FBRSL1: variants seen among roughly 807,000 people sequenced by gnomAD.
The protein encoded by FBRSL1 is fibrosin-1-like protein.
In FBRSL1, 51 loss-of-function variants were observed where a neutral mutation model predicts 89.6. The observed-to-expected ratio is 0.57, with a 90% CI of 0.45 to 0.72. The LOEUF is 0.72. FBRSL1 is among the 30% of genes least tolerant of loss of function. The pLI is 0.00. For synonymous variants in FBRSL1, 779 were observed against 681.1 expected (o/e 1.14, Z -2.24); for missense variants, 1,618 against 1,451.8 (o/e 1.11, Z -1.86).
intron 5 of FBRSL1, among the ~76,000 whole-genome samples, chr12:132,549,362 G>A (rs992506505): frequency 6.6e-6 from 1 of 152,184 alleles, no homozygotes; most frequent in Non-Finnish European, 1.5e-5. Context: ...CCTCACCCGG[G>A]ACCCCGCGTG....
intron 2 of FBRSL1, among the ~76,000 whole-genome samples, chr12:132,513,457 G>A (rs537650527): frequency 6.6e-5 from 10 of 152,262 alleles, no homozygotes; most frequent in East Asian, 1.9e-4. Context: ...GAGGCTGCCC[G>A]CTGCCCGACT....
intron 9 of FBRSL1, 66 bp from the exon 10 acceptor site, chr12:132,572,222 C>T (rs915418370): frequency 1.4e-5 from 20 of 1,465,134 alleles, no homozygotes; most frequent in African/African-American, 4.2e-5. Flanking sequence ...GCCAGGTGGG[C>T]GGGGCCCGGG....
intron 1 of FBRSL1, among the ~76,000 whole-genome samples, chr12:132,498,244 GTC>G (rs2032376470): frequency 2.6e-5 from 4 of 152,140 alleles, no homozygotes; most frequent in African/African-American, 7.2e-5. Context: ...TGAGGCCTGT[GTC>G]GGGGGCATGG....
rs1177508455 is a variant in FBRSL1 at position 132,583,850 on chromosome 12, A to G, written c.*72A>G. ...TCTCTCCATCAGTTCCTAGAACTCA[A>G]GCACAGCTCCCGCCGATCCTGGGGC... On this transcript the variant is annotated 3_prime_UTR_variant, in exon 19 of 19. Coordinates refer to ENST00000680143, the MANE Select transcript of FBRSL1 (RefSeq NM_001367871.1). The G allele has an allele frequency of 2.1e-6, 2 of 936,530 alleles. No homozygotes were observed. The highest frequency in any genetic ancestry group is 2.7e-6 in the Non-Finnish European group (2 of 746,198). 58.0% of individuals were successfully genotyped at this position (936,530 alleles called of 1,614,324 possible).
At chr12:132,539,067 A>G (rs1302113736) in intron 4 of FBRSL1, among the ~76,000 whole-genome samples, 1 of 151,322 alleles carries the variant, frequency 6.6e-6, no homozygotes, top group Non-Finnish European at 1.5e-5. Flanking sequence ...CAGTTTCCCC[A>G]TCCGGCAGCA....
At chr12:132,498,102 G>T (rs182842970) in intron 1 of FBRSL1, among the ~76,000 whole-genome samples, 2 of 152,304 alleles carry the variant, frequency 1.3e-5, no homozygotes, top group Non-Finnish European at 2.9e-5. Flanking sequence ...CCTCTGGGGA[G>T]GGTGCCTGCT....
At position 132,549,370 on chromosome 12, in the gene FBRSL1, G is replaced by A. The variant is rs139928604; in HGVS notation, c.645+1338G>A. On this transcript the variant is annotated intron_variant, in intron 5 of 18. Transcript: ENST00000680143. ...GGAGTGGCCTCACCCGGGACCCCGC[G>A]TGGCTCCGCGTGGCCCTCAGCCCCT... 8.3e-3 allele frequency among the ~76,000 whole-genome samples: 1,267 copies of A among 152,246 alleles called. 15 individuals are homozygous for A. Among genetic ancestry groups the A allele is most frequent in the African/African-American group, 0.028 (1,174 of 41,572 alleles).
chr12:132,562,729 C>T (rs950403142), intron 5 of FBRSL1, among the ~76,000 whole-genome samples: 3 of 152,146 alleles, frequency 2.0e-5, no homozygotes, highest in Non-Finnish European at 4.4e-5. Flanking sequence ...GTGCAGGGGC[C>T]CTTCCGGCGC....
At chr12:132,533,525 C>G (rs1401828102) in intron 4 of FBRSL1, among the ~76,000 whole-genome samples, 1 of 152,402 alleles carries the variant, frequency 6.6e-6, no homozygotes, top group East Asian at 1.9e-4. Context: ...AAGGGTCTTT[C>G]AGGCTGGCTG....
In FBRSL1 at chr12:132,583,541, G is replaced by A. The variant is rs1450727728; in HGVS notation, c.2772G>A (p.Ser924=). Residue 924 remains serine, a synonymous_variant, in exon 19 of 19, where the codon TCG becomes TCA. Coordinates refer to ENST00000680143, the MANE Select transcript of FBRSL1 (RefSeq NM_001367871.1). The part of the protein sequence containing the change: ...APALDGALLP[S]LGALHFPRLS... ...CCTTGGACGGCGCGCTGCTGCCCTC[G>A]CTGGGAGCCCTGCACTTCCCGCGCC... 65 of 1,046,074 alleles carry A rather than the reference G, an allele frequency of 6.2e-5. No individual in the cohort carries two copies. Among genetic ancestry groups the A allele is most frequent in the Non-Finnish European group, 7.3e-5 (63 of 868,022 alleles). The allele number at this position is 1,046,074 out of a possible 1,614,324, so 64.8% of individuals were successfully genotyped here.
intron 10 of FBRSL1, 27 bp downstream of exon 10, chr12:132,572,371 G>A (rs762627090): frequency 3.7e-5 from 57 of 1,549,742 alleles, no homozygotes; most frequent in Middle Eastern, 1.7e-4. Context: ...GGCCCGGCGC[G>A]TGTCGCTGTG....
At chr12:132,496,069 C>T (rs1010722998) in intron 1 of FBRSL1, among the ~76,000 whole-genome samples, 2 of 152,262 alleles carry the variant, frequency 1.3e-5, no homozygotes, top group South Asian at 2.1e-4. Context: ...CTGTCCTTGC[C>T]GTGGCTACGC....
chr12:132,496,350 G>A (rs111477625), intron 1 of FBRSL1, among the ~76,000 whole-genome samples: 18 of 152,240 alleles, frequency 1.2e-4, no homozygotes, highest in African/African-American at 3.4e-4. Flanking sequence ...TGGCCCTGCT[G>A]TCTGTGGCTG....
At position 132,571,072 on chromosome 12, in the gene FBRSL1, C is replaced by T; in HGVS notation, c.1218C>T (p.Ala406=). 5 of 1,345,016 alleles carry T rather than the reference C, an allele frequency of 3.7e-6. No individual in the cohort carries two copies. The highest frequency in any genetic ancestry group is 4.8e-6 in the Non-Finnish European group (5 of 1,051,070). 83.3% of individuals were successfully genotyped at this position (1,345,016 alleles called of 1,614,324 possible). ...SLVLPGHPAD[A]SLAVSFSQPI... ...CGTGTTCTCTCTTGCCTCTAGATGC[C>T]AGCCTGGCGGTCTCATTCAGCCAGC... Residue 406 remains alanine (A), a synonymous_variant, in exon 9 of 19, where the codon GCC becomes GCT. Coordinates refer to ENST00000680143, the MANE Select transcript of FBRSL1 (RefSeq NM_001367871.1).
At chr12:132,504,310 C>T (rs574610975) in intron 1 of FBRSL1, among the ~76,000 whole-genome samples, 17 of 152,308 alleles carry the variant, frequency 1.1e-4, no homozygotes, top group African/African-American at 3.6e-4. Flanking sequence ...TTCACTGTAG[C>T]GTGATTAGGA....
chr12:132,583,275 C>G lies in FBRSL1; in HGVS notation c.2506C>G (p.Leu836Val), dbSNP rs1164120499. Reference sequence around the variant, plus strand: ...GGCGGGCGGCCTGCACCCCGCGCCCCTGCAGCTCGGCCTGGGCCGCGAGCG... The same window carrying G: ...GGCGGGCGGCCTGCACCCCGCGCCCGTGCAGCTCGGCCTGGGCCGCGAGCG... ...PPAGGLHPAPLQLGLGRERLG... is the reference protein window; with the variant it reads ...PPAGGLHPAPVQLGLGRERLG... The change falls in exon 19 of 19, where the codon CTG becomes GTG. Residue 836 changes from leucine to valine, a missense_variant. Coordinates refer to ENST00000680143, the MANE Select transcript of FBRSL1 (RefSeq NM_001367871.1). 1 of 1,282,358 alleles carries G rather than the reference C, an allele frequency of 7.8e-7. No homozygotes were observed. Among genetic ancestry groups the G allele is most frequent in the Non-Finnish European group, 9.9e-7 (1 of 1,014,178 alleles). The allele number at this position is 1,282,358 out of a possible 1,614,324, so 79.4% of individuals were successfully genotyped here. A position where few individuals can be genotyped will look rare whatever the true frequency, so the allele number is the denominator to read the frequency against.
chr12:132,526,568 G>A lies in FBRSL1; in HGVS notation c.579+745G>A, dbSNP rs1307667232. Among the ~76,000 whole-genome samples, 3 of 152,262 alleles carry A rather than the reference G, an allele frequency of 2.0e-5. No homozygotes were observed. The East Asian group carries it at 5.8e-4, about 29-fold the overall frequency. ...GGGCTCTGTCCCCTGACATCCTGGGGCCCTTCAGGAGCTGACCTGTCCCCG... is the reference window on the plus strand; with the variant it reads ...GGGCTCTGTCCCCTGACATCCTGGGACCCTTCAGGAGCTGACCTGTCCCCG... On this transcript the variant is annotated intron_variant, in intron 3 of 18. Transcript: ENST00000680143.
At position 132,509,509 on chromosome 12, in the gene FBRSL1, C is replaced by T. The variant is rs533739626; in HGVS notation, c.489+1159C>T. The stretch of plus-strand genomic sequence containing the variant: ...TCACGCCCGGCCCAGCCCTGCCGGC[C>T]GCATTGGGCACTCCCAGGCCCCAGG... On this transcript the variant is annotated intron_variant, in intron 2 of 18. Transcript: ENST00000680143. The T allele has an allele frequency of 9.3e-5, 115 of 1,236,704 alleles. 2 individuals are homozygous for T. In the South Asian group the frequency reaches 2.8e-3, roughly 30 times the overall value. The allele number at this position is 1,236,704 out of a possible 1,614,324, so 76.6% of individuals were successfully genotyped here.
At chr12:132,575,388 C>T (rs963381228) in intron 14 of FBRSL1, among the ~76,000 whole-genome samples, 4 of 152,212 alleles carry the variant, frequency 2.6e-5, no homozygotes, top group African/African-American at 7.2e-5. Flanking sequence ...TCACCACACC[C>T]GGCTAATTTT....
Sources: allele counts gnomAD v4.1 joint callset (sites outside exome capture counted in the v4.1 genomes callset), GRCh38; gene constraint gnomAD v4.1.1; transcripts MANE v1.5; gene names NCBI Gene and HGNC (gene_info 2026-07-23, HGNC 2026-07-21).